The following EEF2K variants were observed in gnomAD, a reference collection of about 807,000 sequenced individuals.
EEF2K encodes eukaryotic elongation factor 2 kinase.
Under a neutral mutation model 93.8 loss-of-function variants are expected in EEF2K, and 70 were observed. That is an observed-to-expected ratio of 0.75 (90% CI 0.62 to 0.91). EEF2K has a LOEUF of 0.91. Ranked by LOEUF, EEF2K falls within the 40% of genes least tolerant of loss-of-function variation. EEF2K has a pLI of 0.00. For missense variants in EEF2K, 935 were observed against 972.9 expected, an observed-to-expected ratio of 0.96 and a Z score of 0.52; for synonymous variants, 376 against 380.8, an observed-to-expected ratio of 0.99 and a Z score of 0.15.
chr16:22,214,425 G>A (rs2046940920), intron 1 of EEF2K, among the ~76,000 whole-genome samples: 1 of 151,988 alleles, frequency 6.6e-6, no homozygotes, highest in South Asian at 2.1e-4. Flanking sequence ...CTGGGTGACA[G>A]AGTGAGACCC....
chr16:22,259,497 A>G (rs151327752), intron 10 of EEF2K, among the ~76,000 whole-genome samples: 3 of 152,336 alleles, frequency 2.0e-5, no homozygotes, highest in East Asian at 1.9e-4. Context: ...TTAAAAGGTC[A>G]GAGAGTAAAT....
At chr16:22,213,690 A>G (rs1178826279) in intron 1 of EEF2K, among the ~76,000 whole-genome samples, 1 of 152,184 alleles carries the variant, frequency 6.6e-6, no homozygotes, top group Non-Finnish European at 1.5e-5. Flanking sequence ...CCCAGGAGAA[A>G]ATCGGTTTCT....
In EEF2K at chr16:22,258,803, G is replaced by T. The variant is rs1399218790; in HGVS notation, c.1231+108G>T. ...AAAATCAGACATGCTAATCGAAAAG[G>T]TTCATGGCCCCAGTGGTTTTATAGG... On this transcript the variant is annotated intron_variant, in intron 10 of 17. Coordinates refer to ENST00000263026, the MANE Select transcript of EEF2K (RefSeq NM_013302.5). 11 of 1,446,384 alleles carry T rather than the reference G, an allele frequency of 7.6e-6. No homozygotes were observed. The Admixed American group carries it at 2.2e-4, about 29-fold the overall frequency. 89.6% of individuals were successfully genotyped at this position (1,446,384 alleles called of 1,614,324 possible).
At chr16:22,231,122 T>A (rs1274875829) in intron 2 of EEF2K, among the ~76,000 whole-genome samples, 1 of 151,942 alleles carries the variant, frequency 6.6e-6, no homozygotes. Context: ...AGAGTCTTGC[T>A]CCATCACCCA....
In EEF2K at chr16:22,286,798, G is replaced by C. The variant is rs1358308917; in HGVS notation, c.*2802G>C. 2 of 152,222 alleles carry C rather than the reference G, an allele frequency of 1.3e-5. No homozygotes were observed. The highest frequency in any genetic ancestry group is 2.9e-5 in the Non-Finnish European group (2 of 68,060). The allele number at this position is 152,222 out of a possible 1,614,324, so 9.4% of individuals were successfully genotyped here. A position where few individuals can be genotyped will look rare whatever the true frequency, so the allele number is the denominator to read the frequency against. ...TAGGCACTCAACAAGTGTGTGAACA[G>C]ATGGAGAGCCAGCCCTAGTCAGTGC... On this transcript the variant is annotated 3_prime_UTR_variant, in exon 18 of 18. Transcript: ENST00000263026.
chr16:22,265,072 G>C (rs1178218079), intron 13 of EEF2K, 192 bp downstream of exon 13: 1 of 599,172 alleles, frequency 1.7e-6, no homozygotes, highest in Non-Finnish European at 2.9e-6. Context: ...TGGGGGATTT[G>C]TGGGGAGGAT....
intron 6 of EEF2K, among the ~76,000 whole-genome samples, 178 bp from the exon 7 acceptor site, chr16:22,256,570 A>G (rs1275309786): frequency 6.6e-6 from 1 of 152,142 alleles, no homozygotes; most frequent in Non-Finnish European, 1.5e-5. Flanking sequence ...AAAAAATTAA[A>G]GGAAAAGAGG....
intron 1 of EEF2K, among the ~76,000 whole-genome samples, chr16:22,216,013 T>C (rs1417126437): frequency 6.6e-6 from 1 of 152,072 alleles, no homozygotes; most frequent in Admixed American, 6.6e-5. Flanking sequence ...GGGGGAGGGA[T>C]GGAGACAGCA....
At chr16:22,268,453 G>A (rs1045591777) in intron 15 of EEF2K, among the ~76,000 whole-genome samples, 17 of 151,840 alleles carry the variant, frequency 1.1e-4, no homozygotes, top group Non-Finnish European at 2.1e-4. Context: ...TTACAGGTGT[G>A]AGCCACCATG....
rs2047452329 is a variant in EEF2K, at chr16:22,260,526, C to T, written c.1296C>T (p.His432=). 6.2e-7 allele frequency: 1 copy of T among 1,613,910 alleles called. No individual in the cohort carries two copies. The change falls in exon 11 of 18, where the codon CAC becomes CAT. Residue 432 remains histidine, a synonymous_variant. Transcript: ENST00000263026. ...GAGACCATGATCATCTAGACAACCA[C>T]CGGGTGAGTGTGAAGGGAGGGAGGC... ...ASRDHDHLDN[H]RESENSGDSG... is the part of the protein sequence containing the mutation.
At position 22,262,001 on chromosome 16, in the gene EEF2K, C is replaced by CCACACACACACACA. The variant is rs71151667; in HGVS notation, c.1300-1086_1300-1073dup. ...GCCTGGGTGACAACGTGAGACCCTG[C>CCACACACACACACA]CACACACACACACACACACACACAC... On this transcript the variant is annotated intron_variant, in intron 11 of 17. Coordinates refer to ENST00000263026, the MANE Select transcript of EEF2K (RefSeq NM_013302.5). Among the ~76,000 whole-genome samples the CCACACACACACACA allele has an allele frequency of 3.6e-3, 501 of 138,096 alleles. 3 individuals are homozygous for CCACACACACACACA. Among genetic ancestry groups the CCACACACACACACA allele is most frequent in the African/African-American group, 0.013 (483 of 37,358 alleles). 90.6% of individuals were successfully genotyped at this position (138,096 alleles called of 152,430 possible). A position where few individuals can be genotyped will look rare whatever the true frequency, so the allele number is the denominator to read the frequency against.
intron 1 of EEF2K, among the ~76,000 whole-genome samples, chr16:22,210,136 G>A (rs891655213): frequency 4.6e-5 from 7 of 152,168 alleles, no homozygotes; most frequent in African/African-American, 1.4e-4. Context: ...TCACTAACAC[G>A]CTGATGATAA....
intron 6 of EEF2K, among the ~76,000 whole-genome samples, chr16:22,252,250 A>G (rs1484217938): frequency 1.3e-5 from 2 of 152,234 alleles, no homozygotes; most frequent in Admixed American, 6.5e-5. Context: ...TATGTAACTG[A>G]AAAATAATGC....
chr16:22,225,282 A>G (rs1228070392), intron 1 of EEF2K, among the ~76,000 whole-genome samples: 1 of 152,170 alleles, frequency 6.6e-6, no homozygotes, highest in Non-Finnish European at 1.5e-5. Flanking sequence ...CAGCTCTTGC[A>G]GCCTTACCAA....
At chr16:22,263,824 C>T (rs1013905216) in intron 12 of EEF2K, among the ~76,000 whole-genome samples, 2 of 152,080 alleles carry the variant, frequency 1.3e-5, no homozygotes, top group African/African-American at 4.8e-5. Context: ...TGTGAGGCCC[C>T]AGGGAGGAGG....
intron 10 of EEF2K, among the ~76,000 whole-genome samples, chr16:22,259,264 G>A (rs1190325436): frequency 6.6e-6 from 1 of 152,212 alleles, no homozygotes; most frequent in East Asian, 1.9e-4. Context: ...ACTGACCCCA[G>A]GGTATTGGCC....
chr16:22,257,787 AC>A lies in EEF2K; in HGVS notation c.1029+20del. ...AAGCTGCTGGTGGGTGCCCAGTGTG[AC>A]CCTGCTTGGCCTGGCAGGCCCTTCT... On this transcript the variant is annotated intron_variant, in intron 9 of 17. Coordinates refer to ENST00000263026, the MANE Select transcript of EEF2K (RefSeq NM_013302.5). The A allele has an allele frequency of 6.2e-7, 1 of 1,611,800 alleles. No individual in the cohort carries two copies. Among genetic ancestry groups the A allele is most frequent in the Non-Finnish European group, 8.5e-7 (1 of 1,179,240 alleles).
intron 12 of EEF2K, among the ~76,000 whole-genome samples, chr16:22,263,601 T>A (rs1249149124): frequency 6.6e-6 from 1 of 152,052 alleles, no homozygotes; most frequent in East Asian, 1.9e-4. Context: ...ACAGTGAACT[T>A]TGTCTCAAAA....
Position 22,256,909 on chromosome 16 carries a change from C to G in EEF2K, c.768+12C>G. On this transcript the variant is annotated intron_variant, in intron 7 of 17. Coordinates refer to ENST00000263026, the MANE Select transcript of EEF2K (RefSeq NM_013302.5). ...GCCTGACGCCGCAGGTGAGGCCGAG[C>G]TCACCTCCACCCTCTGCCCACCACA... 2.5e-6 allele frequency: 4 copies of G among 1,612,972 alleles called. No individual in the cohort carries two copies. Among genetic ancestry groups the G allele is most frequent in the Non-Finnish European group, 3.4e-6 (4 of 1,179,672 alleles).
Sources: gnomAD v4.1 joint callset for allele counts (sites outside exome capture counted in the v4.1 genomes callset) on GRCh38, gnomAD v4.1.1 for gene constraint, MANE v1.5 for transcripts, NCBI Gene and HGNC (gene_info 2026-07-23, HGNC 2026-07-21) for gene names.